MFN2: variants seen among roughly 807,000 people sequenced by gnomAD.
MFN2 encodes the protein mitofusin-2.
In MFN2, 43 loss-of-function variants were observed where a neutral mutation model predicts 87.5. That is an observed-to-expected ratio of 0.49 (90% CI 0.38 to 0.63). The LOEUF (loss-of-function observed/expected upper bound fraction) is 0.63. Among genes scored for constraint, MFN2 ranks in the 30% least tolerant of loss-of-function variants. The probability of loss-of-function intolerance (pLI) is 0.00; values close to 1 mark genes in which losing one functional copy is unlikely to be tolerated. For synonymous variants in MFN2, 337 were observed against 359.9 expected, an observed-to-expected ratio of 0.94 and a Z score of 0.72; for missense variants, 743 against 972.8, an observed-to-expected ratio of 0.76 and a Z score of 3.14.
rs1263879640 is a variant in MFN2, at chr1:11,998,106, A to T, written c.600-664A>T. On this transcript the variant is annotated intron_variant, in intron 6 of 18. Coordinates refer to ENST00000235329, the MANE Select transcript of MFN2 (RefSeq NM_014874.4). ...ACCATGTTGGCCAGGCTGGTCTTGA[A>T]CTGCTGACCTCATGATCCGCCCACC... is the stretch of plus-strand genomic sequence containing the variant. Among the ~76,000 whole-genome samples the T allele has an allele frequency of 1.2e-4, 18 of 150,570 alleles. No homozygotes were observed. In the East Asian group the frequency reaches 2.8e-3, roughly 23 times the overall value.
At chr1:11,996,106 A>T in intron 4 of MFN2, 50 bp from the exon 5 acceptor site, 1 of 1,612,798 alleles carries the variant, frequency 6.2e-7, no homozygotes, top group South Asian at 1.1e-5. Flanking sequence ...TGTGAAAGTA[A>T]TTCAGGTCAG....
At chr1:11,992,524 G>C (rs757571162) in intron 3 of MFN2, 31 bp from the exon 4 acceptor site, 1 of 1,614,012 alleles carries the variant, frequency 6.2e-7, no homozygotes, top group South Asian at 1.1e-5. Flanking sequence ...CTCTGACCAC[G>C]TGGTGACCCA....
At chr1:11,987,638 A>AAG (rs1638476483) in intron 2 of MFN2, among the ~76,000 whole-genome samples, 1 of 150,938 alleles carries the variant, frequency 6.6e-6, no homozygotes, top group Admixed American at 6.6e-5. Flanking sequence ...TCAGAAAAAA[A>AAG]AAAAAAAAAT....
intron 6 of MFN2, among the ~76,000 whole-genome samples, chr1:11,998,118 A>G (rs7522021): frequency 0.016 from 2,421 of 150,878 alleles, 61 homozygotes; most frequent in African/African-American, 0.055. Flanking sequence ...TGCTGACCTC[A>G]TGATCCGCCC....
chr1:12,007,865 G>A (rs1639491785), intron 17 of MFN2, among the ~76,000 whole-genome samples: 1 of 152,016 alleles, frequency 6.6e-6, no homozygotes, highest in South Asian at 2.1e-4. Context: ...GTGAACAAAG[G>A]TCTCTGGTTT....
At chr1:11,989,525 G>A (rs1638583079) in intron 3 of MFN2, among the ~76,000 whole-genome samples, 182 bp downstream of exon 3, 1 of 152,136 alleles carries the variant, frequency 6.6e-6, no homozygotes, top group African/African-American at 2.4e-5. Flanking sequence ...AGGAAGACAA[G>A]GGAACTGCCA....
rs963896394 is a variant in MFN2, at chr1:12,013,156, C to T, written c.*1591C>T. ...CACTTCACAGCATGTCAGGGAAAAT[C>T]ACTGTCACACAATTCCAATGGATTT... On this transcript the variant is annotated 3_prime_UTR_variant, in exon 19 of 19. Transcript: ENST00000235329. 2 of 345,952 alleles carry T rather than the reference C, an allele frequency of 5.8e-6. No homozygotes were observed. The highest frequency in any genetic ancestry group is 2.2e-5 in the South Asian group (1 of 45,276). The allele number at this position is 345,952 out of a possible 1,614,324, so 21.4% of individuals were successfully genotyped here. A position where few individuals can be genotyped will look rare whatever the true frequency, so the allele number is the denominator to read the frequency against.
chr1:12,008,076 T>C (rs568897849), intron 17 of MFN2, among the ~76,000 whole-genome samples: 162 of 152,334 alleles, frequency 1.1e-3, no homozygotes, highest in African/African-American at 3.6e-3. Context: ...GGTAAGGTCA[T>C]AGATCAACAG....
intron 2 of MFN2, among the ~76,000 whole-genome samples, chr1:11,985,030 C>T (rs1169337263): frequency 6.6e-6 from 1 of 152,110 alleles, no homozygotes; most frequent in East Asian, 1.9e-4. Context: ...TTCTGGAGGC[C>T]CAGACTTGCA....
intron 4 of MFN2, among the ~76,000 whole-genome samples, chr1:11,995,892 T>TG (rs1232627889): frequency 6.6e-6 from 1 of 152,108 alleles, no homozygotes; most frequent in East Asian, 1.9e-4. Flanking sequence ...TGAGGGTGGC[T>TG]GTGTGATTCA....
chr1:11,985,626 C>G (rs1638367622), intron 2 of MFN2, among the ~76,000 whole-genome samples: 1 of 152,024 alleles, frequency 6.6e-6, no homozygotes, highest in Non-Finnish European at 1.5e-5. Flanking sequence ...GCCACCACAC[C>G]CAGCTAATTT....
chr1:11,992,567 A>G lies in MFN2; in HGVS notation c.188A>G (p.Asn63Ser). The G allele has an allele frequency of 1.9e-6, 3 of 1,614,230 alleles. No individual in the cohort carries two copies. Among genetic ancestry groups the G allele is most frequent in the Non-Finnish European group, 2.5e-6 (3 of 1,180,034 alleles). The change falls in exon 4 of 19, where the codon AAT becomes AGT. Residue 63 changes from asparagine (N) to serine (S), a missense_variant. Transcript: ENST00000235329. ...SATFLEDTYR[N>S]AELDPVTTEE... ...TCCCCACCTCCAGACACGTACAGGA[A>G]TGCAGAACTGGACCCCGTTACCACA...
In MFN2 at chr1:12,009,640, C is replaced by T; in HGVS notation, c.2118C>T (p.Thr706=). 1 of 1,614,222 alleles carries T rather than the reference C, an allele frequency of 6.2e-7. No individual in the cohort carries two copies. Among genetic ancestry groups the T allele is most frequent in the Non-Finnish European group, 8.5e-7 (1 of 1,180,046 alleles). Residue 706 remains threonine, a synonymous_variant, in exon 18 of 19, where the codon ACC becomes ACT. Coordinates refer to ENST00000235329, the MANE Select transcript of MFN2 (RefSeq NM_014874.4). ...ATCTGTGTCAGCAAGTTGACGTCACCCGGGAGAACCTGGAGCAGGAAATTG... is the reference window on the plus strand; with the variant it reads ...ATCTGTGTCAGCAAGTTGACGTCACTCGGGAGAACCTGGAGCAGGAAATTG... The part of the protein sequence containing the change: ...FAHLCQQVDV[T]RENLEQEIAA...
chr1:11,985,135 G>A (rs1314164583), intron 2 of MFN2, among the ~76,000 whole-genome samples: 1 of 152,134 alleles, frequency 6.6e-6, no homozygotes, highest in African/African-American at 2.4e-5. Context: ...CAGGTAGACA[G>A]CATGGGAACT....
intron 17 of MFN2, among the ~76,000 whole-genome samples, chr1:12,008,176 A>G (rs1376948045): frequency 6.6e-6 from 1 of 152,190 alleles, no homozygotes; most frequent in African/African-American, 2.4e-5. Flanking sequence ...CAACAATCTG[A>G]TTTCTCTATC....
intron 2 of MFN2, among the ~76,000 whole-genome samples, chr1:11,982,880 G>A (rs546633556): frequency 1.5e-3 from 231 of 152,194 alleles, no homozygotes; most frequent in Non-Finnish European, 2.7e-3. Context: ...TGTGATCCTC[G>A]GGATTTTAAA....
Position 12,004,164 on chromosome 1 carries a change from T to C in MFN2, c.1287+46T>C, listed in dbSNP as rs546482952. Reference sequence around the variant, plus strand: ...ATTCTGGGAAGATTTGGACTCCGAGTAGAGTCCAGAAGAAAGCAGACCTCC... The same window carrying C: ...ATTCTGGGAAGATTTGGACTCCGAGCAGAGTCCAGAAGAAAGCAGACCTCC... On this transcript the variant is annotated intron_variant, in intron 12 of 18. Transcript: ENST00000235329. The surrounding 1 kb of genome is among the most constrained non-coding windows in gnomAD (Gnocchi z 4.2). The C allele has an allele frequency of 1.2e-6, 2 of 1,611,030 alleles. No homozygotes were observed. Among genetic ancestry groups the C allele is most frequent in the African/African-American group, 1.3e-5 (1 of 74,934 alleles).
At chr1:11,999,891 G>A (rs754287408) in intron 8 of MFN2, among the ~76,000 whole-genome samples, 7 of 151,762 alleles carry the variant, frequency 4.6e-5, no homozygotes, top group Non-Finnish European at 8.8e-5. Context: ...TCAGGAGATC[G>A]AGACCATCCT....
At position 11,983,120 on chromosome 1, in the gene MFN2, G is replaced by A. The variant is rs370926377; in HGVS notation, c.-5+1006G>A. 5.3e-5 allele frequency among the ~76,000 whole-genome samples: 8 copies of A among 152,060 alleles called. No homozygotes were observed. In the South Asian group the frequency reaches 6.2e-4, roughly 12 times the overall value. The stretch of plus-strand genomic sequence containing the variant: ...CACCCAGGCTGGAGTGCAGTGGCGC[G>A]ATCTTGCAGTGGCGTGATCTTGGCT... On this transcript the variant is annotated intron_variant, in intron 2 of 18. Transcript: ENST00000235329.
Sources: allele counts gnomAD v4.1 joint callset (sites outside exome capture counted in the v4.1 genomes callset), GRCh38; gene constraint gnomAD v4.1.1; non-coding constraint Gnocchi (gnomAD v3.1); transcripts MANE v1.5; gene names NCBI Gene and HGNC (gene_info 2026-07-23, HGNC 2026-07-21).